MYO1F: variants seen among roughly 807,000 people sequenced by gnomAD.
The protein encoded by MYO1F is unconventional myosin-If.
In MYO1F, 60 loss-of-function variants were observed where a neutral mutation model predicts 146.6. The ratio of observed to expected loss-of-function variants is 0.41; its 90% CI spans 0.33 to 0.51. The LOEUF (loss-of-function observed/expected upper bound fraction) is 0.51. MYO1F is among the 20% of genes least tolerant of loss of function. The pLI is 0.25. For missense variants in MYO1F, 1,274 were observed against 1,534.3 expected, an observed-to-expected ratio of 0.83 and a Z score of 2.83; for synonymous variants, 602 against 602.1, an observed-to-expected ratio of 1.00 and a Z score of 0.00.
In MYO1F at chr19:8,536,610, G is replaced by A; in HGVS notation, c.1800-13C>T. On this transcript the variant is annotated splice_polypyrimidine_tract_variant and intron_variant, in intron 17 of 27. Transcript: ENST00000644032. ...CTGGTGCTTGACTCTGGTGGGGAGG[G>A]TAGGCTGAGTCCCCTCGGGGTGGGG... is the stretch of plus-strand genomic sequence containing the variant. 1 of 1,347,492 alleles carries A rather than the reference G, an allele frequency of 7.4e-7. No homozygotes were observed. The highest frequency in any genetic ancestry group is 1.1e-5 in the South Asian group (1 of 87,048). 83.5% of individuals were successfully genotyped at this position (1,347,492 alleles called of 1,614,324 possible). A position where few individuals can be genotyped will look rare whatever the true frequency, so the allele number is the denominator to read the frequency against.
chr19:8,569,475 G>A (rs1406587559), intron 1 of MYO1F, among the ~76,000 whole-genome samples: 1 of 152,104 alleles, frequency 6.6e-6, no homozygotes, highest in Non-Finnish European at 1.5e-5. Context: ...TGTTTGTGGT[G>A]AAGGTGATGG....
chr19:8,574,577 T>TTCTCTC (rs369077601), intron 1 of MYO1F, among the ~76,000 whole-genome samples: 72 of 79,784 alleles, frequency 9.0e-4, no homozygotes, highest in African/African-American at 1.3e-3. Flanking sequence ...CTTTCTTTCT[T>TTCTCTC]TCTCTCTCTC....
intron 1 of MYO1F, chr19:8,576,952 C>G (rs1171606331): frequency 6.6e-6 from 3 of 454,728 alleles, no homozygotes; most frequent in Non-Finnish European, 1.2e-5. Flanking sequence ...CACAGGGAGA[C>G]GAGAGACTGG....
At position 8,527,317 on chromosome 19, in the gene MYO1F, C is replaced by T. The variant is rs905546985; in HGVS notation, c.2474+21G>A. Reference sequence around the variant, plus strand: ...GGGACAGGTGAGAGTGACTGTGCGGCAGGTAAGGACCTGGCTTCACCTGAG... The same window carrying T: ...GGGACAGGTGAGAGTGACTGTGCGGTAGGTAAGGACCTGGCTTCACCTGAG... On this transcript the variant is annotated intron_variant, in intron 22 of 27. Coordinates refer to ENST00000644032, the MANE Select transcript of MYO1F (RefSeq NM_012335.4). 2.5e-6 allele frequency: 4 copies of T among 1,613,828 alleles called. No homozygotes were observed. The Admixed American group carries it at 6.7e-5, about 27-fold the overall frequency.
At chr19:8,566,463 G>A (rs904115808) in intron 1 of MYO1F, among the ~76,000 whole-genome samples, 4 of 150,430 alleles carry the variant, frequency 2.7e-5, no homozygotes, top group Non-Finnish European at 5.9e-5. Flanking sequence ...CACCGCGCCC[G>A]GCCTGGTCTA....
At chr19:8,552,478 G>A (rs1354520915) in intron 6 of MYO1F, among the ~76,000 whole-genome samples, 2 of 152,008 alleles carry the variant, frequency 1.3e-5, no homozygotes, top group African/African-American at 4.8e-5. Flanking sequence ...TGTTGGCCAG[G>A]CTGGTCTTGA....
At position 8,530,350 on chromosome 19, in the gene MYO1F, A is replaced by G; in HGVS notation, c.2174T>C (p.Leu725Pro). 6.2e-7 allele frequency: 1 copy of G among 1,614,156 alleles called. No homozygotes were observed. The highest frequency in any genetic ancestry group is 1.1e-5 in the South Asian group (1 of 91,092). The change falls in exon 21 of 28, where the codon CTG becomes CCG. Residue 725 changes from leucine (L) to proline (P), a missense_variant. Physicochemically the swap from Leu to Pro is moderately conservative, Grantham distance 98. This residue lies in a region of MYO1F where 900 missense variants were observed against 1,155.1 expected (regional missense o/e 0.78). Coordinates refer to ENST00000644032, the MANE Select transcript of MYO1F (RefSeq NM_012335.4). This position sits in a 1 kb window ranked among gnomAD's most constrained non-coding sequence, Gnocchi z 5.8. ...GTTGCGCCTCCGCTCCTTCTTGTTC[A>G]GCAGGATGTTGGAAGCTGCGGGGAC... is the stretch of plus-strand genomic sequence containing the variant. ...EMREEASNILLNKKERRRNSI... is the reference protein window; with the variant it reads ...EMREEASNILPNKKERRRNSI...
At chr19:8,562,169 T>C (rs542748459) in intron 1 of MYO1F, among the ~76,000 whole-genome samples, 30 of 151,842 alleles carry the variant, frequency 2.0e-4, no homozygotes, top group Middle Eastern at 3.4e-3. Flanking sequence ...TTTTCTTTTT[T>C]TTTTTGTATT....
At chr19:8,549,960 C>T (rs564358880) in intron 10 of MYO1F, 200 bp downstream of exon 10, 3 of 657,482 alleles carry the variant, frequency 4.6e-6, no homozygotes, top group African/African-American at 3.6e-5. Context: ...ACCACTACAC[C>T]CAACTAATTT....
At chr19:8,567,645 C>A (rs2042029541) in intron 1 of MYO1F, among the ~76,000 whole-genome samples, 1 of 152,210 alleles carries the variant, frequency 6.6e-6, no homozygotes, top group Non-Finnish European at 1.5e-5. Flanking sequence ...GCGTGAGCCA[C>A]CGCACCCATC....
At chr19:8,534,177 T>C (rs1180064505) in intron 19 of MYO1F, among the ~76,000 whole-genome samples, 1 of 134,164 alleles carries the variant, frequency 7.5e-6, no homozygotes. Flanking sequence ...AGACTCTGTC[T>C]AAAAAAAAAA....
Position 8,541,965 on chromosome 19 carries a change from G to A in MYO1F, c.1551C>T (p.Cys517=), listed in dbSNP as rs753937067. ...AGAAGAGAACGTCTCGGTTCCTCTC[G>A]CAGAAGCCGCTGACGTCGTAGGAGA... ...GKVSYDVSGF[C]ERNRDVLFSD... is the part of the protein sequence containing the mutation. Residue 517 remains cysteine, a synonymous_variant, in exon 15 of 28, where the codon TGC becomes TGT. Coordinates refer to ENST00000644032, the MANE Select transcript of MYO1F (RefSeq NM_012335.4). The A allele has an allele frequency of 2.5e-6, 4 of 1,613,346 alleles. No individual in the cohort carries two copies. The highest frequency in any genetic ancestry group is 1.7e-5 in the Admixed American group (1 of 59,990).
At chr19:8,550,766 G>A (rs933789998) in intron 8 of MYO1F, 72 bp from the exon 9 acceptor site, 22 of 1,606,056 alleles carry the variant, frequency 1.4e-5, no homozygotes, top group Middle Eastern at 1.7e-4. Flanking sequence ...GCAGGCTTGA[G>A]GGACCACAGC....
chr19:8,573,836 C>T (rs1014653641), intron 1 of MYO1F, among the ~76,000 whole-genome samples: 11 of 151,988 alleles, frequency 7.2e-5, no homozygotes, highest in East Asian at 1.9e-4. Context: ...GGTGACAGAG[C>T]GAGACTCTGT....
At chr19:8,547,727 G>C in intron 12 of MYO1F, 1 of 357,432 alleles carries the variant, frequency 2.8e-6, no homozygotes, top group Admixed American at 4.0e-5. Flanking sequence ...TGGGGGAGGG[G>C]CAAAATGAAG....
In MYO1F at chr19:8,554,496, T is replaced by C; in HGVS notation, c.307A>G (p.Asn103Asp). 1 of 1,611,704 alleles carries C rather than the reference T, an allele frequency of 6.2e-7. No individual in the cohort carries two copies. The highest frequency in any genetic ancestry group is 1.3e-5 in the African/African-American group (1 of 74,958). Residue 103 changes from asparagine (N) to aspartate (D), a missense_variant, in exon 4 of 28, where the codon AAC (asparagine) becomes GAC (aspartate). Transcript: ENST00000644032. The part of the protein sequence containing the change: ...MYRNMLIDCE[N>D]QCVIISGESG... The stretch of plus-strand genomic sequence containing the variant: ...CCATACCTAATGATGACACACTGGT[T>C]CTCACAGTCGATAAGCATGTTCCGG...
At chr19:8,528,770 A>T (rs1339711277) in intron 21 of MYO1F, among the ~76,000 whole-genome samples, 1 of 152,110 alleles carries the variant, frequency 6.6e-6, no homozygotes, top group Non-Finnish European at 1.5e-5. Flanking sequence ...AGGTAAAGGT[A>T]TTATGGTTCA....
At chr19:8,544,276 G>T in intron 14 of MYO1F, 21 bp downstream of exon 14, 1 of 1,612,538 alleles carries the variant, frequency 6.2e-7, no homozygotes, top group South Asian at 1.1e-5. Context: ...GCACAGGGTA[G>T]GGTAGGGGCA....
chr19:8,542,852 C>T (rs1470616846), intron 14 of MYO1F, among the ~76,000 whole-genome samples: 2 of 151,920 alleles, frequency 1.3e-5, no homozygotes, highest in Non-Finnish European at 2.9e-5. Flanking sequence ...ATCCGCCCGC[C>T]TCAGCCTCCC....
Sources: allele counts gnomAD v4.1 joint callset (sites outside exome capture counted in the v4.1 genomes callset), GRCh38; gene constraint gnomAD v4.1.1; regional missense constraint gnomAD v4.1.1; non-coding constraint Gnocchi (gnomAD v3.1); transcripts MANE v1.5; gene names NCBI Gene and HGNC (gene_info 2026-07-23, HGNC 2026-07-21).